The following SYCP1 variants were observed in gnomAD, a reference collection of about 807,000 sequenced individuals.
SYCP1 encodes synaptonemal complex protein 1.
In SYCP1, 64 loss-of-function variants were observed where a neutral mutation model predicts 153.1. The observed-to-expected ratio is 0.42, with a 90% CI of 0.34 to 0.51. SYCP1 has a LOEUF of 0.51. SYCP1 is among the 20% of genes least tolerant of loss of function. The pLI is 0.06. For synonymous variants in SYCP1, 384 were observed against 341.8 expected (o/e 1.12, Z -1.36); for missense variants, 997 against 1,049.0 (o/e 0.95, Z 0.68).
chr1:114,992,069 T>A (rs1257446863), intron 30 of SYCP1, among the ~76,000 whole-genome samples: 1 of 151,746 alleles, frequency 6.6e-6, no homozygotes. Context: ...CTAAAAGAAT[T>A]TAAATACTTA....
At chr1:114,913,494 G>T (rs183186197) in intron 19 of SYCP1, among the ~76,000 whole-genome samples, 1 of 151,958 alleles carries the variant, frequency 6.6e-6, no homozygotes, top group South Asian at 2.1e-4. Flanking sequence ...AAGAACTTAT[G>T]ACTTAATAAA....
intron 5 of SYCP1, among the ~76,000 whole-genome samples, 178 bp from the exon 6 acceptor site, chr1:114,858,369 T>C (rs371506552): frequency 6.6e-6 from 1 of 152,114 alleles, no homozygotes; most frequent in African/African-American, 2.4e-5. Flanking sequence ...TTTAATGAAG[T>C]AGTTAATATT....
chr1:114,965,605 A>G (rs1411875065), intron 27 of SYCP1, among the ~76,000 whole-genome samples: 1 of 152,188 alleles, frequency 6.6e-6, no homozygotes, highest in East Asian at 1.9e-4. Context: ...TTCTGCATCT[A>G]TTGAGATAAT....
At chr1:114,944,218 C>T (rs1670549578) in intron 23 of SYCP1, 121 bp from the exon 24 acceptor site, 1 of 575,558 alleles carries the variant, frequency 1.7e-6, no homozygotes, top group Non-Finnish European at 3.0e-6. Context: ...GAAAGTGATC[C>T]AACCTAATTT....
chr1:114,894,410 A>G (rs1345124143), intron 15 of SYCP1, among the ~76,000 whole-genome samples: 1 of 152,106 alleles, frequency 6.6e-6, no homozygotes, highest in Non-Finnish European at 1.5e-5. Flanking sequence ...TTTTTAGCTG[A>G]CAGCTGGACA....
intron 15 of SYCP1, among the ~76,000 whole-genome samples, chr1:114,891,809 A>G (rs1666720736): frequency 1.3e-5 from 2 of 152,172 alleles, no homozygotes; most frequent in African/African-American, 4.8e-5. Flanking sequence ...TTTATTCCTT[A>G]TTTAGCCTTG....
chr1:114,895,683 C>A (rs1218785023), intron 16 of SYCP1, among the ~76,000 whole-genome samples, 174 bp downstream of exon 16: 1 of 151,834 alleles, frequency 6.6e-6, no homozygotes, highest in African/African-American at 2.4e-5. Flanking sequence ...TTTTTATATA[C>A]CTTGTTAACT....
chr1:114,978,280 T>C (rs1353182008), intron 28 of SYCP1, among the ~76,000 whole-genome samples: 1 of 151,584 alleles, frequency 6.6e-6, no homozygotes, highest in Non-Finnish European at 1.5e-5. Context: ...TTGTAAAACT[T>C]AGGGTATAAA....
At chr1:114,970,112 C>G (rs910372890) in intron 27 of SYCP1, among the ~76,000 whole-genome samples, 8 of 152,120 alleles carry the variant, frequency 5.3e-5, no homozygotes, top group Non-Finnish European at 1.0e-4. Context: ...GCCCCCTGTC[C>G]CCATATTTTC....
chr1:114,951,226 A>T (rs1323295178), intron 27 of SYCP1, among the ~76,000 whole-genome samples: 1 of 152,226 alleles, frequency 6.6e-6, no homozygotes, highest in Non-Finnish European at 1.5e-5. Context: ...AATAACTTTT[A>T]TCTATTTTGG....
In SYCP1 at chr1:114,995,122, T is replaced by TA; in HGVS notation, c.*109dup. 9.0e-7 allele frequency: 1 copy of TA among 1,117,140 alleles called. No homozygotes were observed. The highest frequency in any genetic ancestry group is 2.0e-5 in the South Asian group (1 of 48,828). The allele number at this position is 1,117,140 out of a possible 1,614,324, so 69.2% of individuals were successfully genotyped here. The stretch of plus-strand genomic sequence containing the variant: ...CAAATTTTATCTGGAAGTTGAGACT[T>TA]AAAAAATACTTGCATGAATGATTTG... On this transcript the variant is annotated 3_prime_UTR_variant, in exon 32 of 32. Transcript: ENST00000369522.
chr1:114,940,806 CT>C (rs942360043), intron 23 of SYCP1, among the ~76,000 whole-genome samples: 3 of 151,832 alleles, frequency 2.0e-5, no homozygotes, highest in Non-Finnish European at 4.4e-5. Flanking sequence ...ATTTGTGTAT[CT>C]TTTTTTCATT....
intron 27 of SYCP1, among the ~76,000 whole-genome samples, chr1:114,961,441 T>C (rs1671775968): frequency 6.6e-6 from 1 of 152,222 alleles, no homozygotes; most frequent in African/African-American, 2.4e-5. Flanking sequence ...AGATTGTCTA[T>C]TTGTGCTCTT....
intron 12 of SYCP1, among the ~76,000 whole-genome samples, chr1:114,880,642 T>G (rs769909630): frequency 9.8e-5 from 15 of 152,348 alleles, no homozygotes; most frequent in Non-Finnish European, 1.8e-4. Flanking sequence ...TTTCTGTACC[T>G]TAGCAACAGG....
intron 7 of SYCP1, 72 bp from the exon 8 acceptor site, chr1:114,860,662 ATT>A (rs1474158093): frequency 1.1e-6 from 1 of 928,168 alleles, no homozygotes; most frequent in Non-Finnish European, 1.6e-6. Context: ...GTAACAATAT[ATT>A]TCATAACTTA....
At chr1:114,933,790 G>C (rs1488449324) in intron 23 of SYCP1, among the ~76,000 whole-genome samples, 2 of 152,196 alleles carry the variant, frequency 1.3e-5, no homozygotes, top group South Asian at 2.1e-4. Flanking sequence ...ATTCGATCAA[G>C]TGGAAGAAAG....
chr1:114,978,110 G>A (rs1557847706), intron 28 of SYCP1, among the ~76,000 whole-genome samples: 1 of 151,452 alleles, frequency 6.6e-6, no homozygotes, highest in Non-Finnish European at 1.5e-5. Context: ...TATTATTGAA[G>A]ACTTTATTAA....
intron 27 of SYCP1, among the ~76,000 whole-genome samples, chr1:114,968,589 A>G (rs2101905438): frequency 6.6e-6 from 1 of 152,228 alleles, no homozygotes; most frequent in Middle Eastern, 3.4e-3. Flanking sequence ...CCTTTTATCA[A>G]GGTTCTTAGC....
In SYCP1 at chr1:114,857,577, C is replaced by T. The variant is rs1353310143; in HGVS notation, c.291+80C>T. 1.0e-5 allele frequency: 10 copies of T among 998,800 alleles called. No homozygotes were observed. In the East Asian group the frequency reaches 2.8e-4, roughly 28 times the overall value. The allele number at this position is 998,800 out of a possible 1,614,324, so 61.9% of individuals were successfully genotyped here. A position where few individuals can be genotyped will look rare whatever the true frequency, so the allele number is the denominator to read the frequency against. On this transcript the variant is annotated intron_variant, in intron 5 of 31. Coordinates refer to ENST00000369522, the MANE Select transcript of SYCP1 (RefSeq NM_003176.4). ...ACCTATATGTATATTTCTTTTGAAG[C>T]TTCAAAAGGATTATTATTTGATTAA... is the stretch of plus-strand genomic sequence containing the variant.
Sources: allele counts gnomAD v4.1 joint callset (sites outside exome capture counted in the v4.1 genomes callset), GRCh38; gene constraint gnomAD v4.1.1; transcripts MANE v1.5; gene names NCBI Gene and HGNC (gene_info 2026-07-23, HGNC 2026-07-21).